Variants in TSPAN16 observed in about 807,000 individuals in gnomAD.
TSPAN16 encodes tetraspanin-16.
Under a neutral mutation model 25.2 loss-of-function variants are expected in TSPAN16, and 23 were observed. The observed-to-expected ratio is 0.91, with a 90% CI of 0.66 to 1.29. The LOEUF is 1.29. TSPAN16 is among the 50% of genes most tolerant of loss of function. The probability of loss-of-function intolerance (pLI) is 0.00; values close to 1 mark genes in which losing one functional copy is unlikely to be tolerated. For missense variants in TSPAN16, 272 were observed against 299.9 expected, an observed-to-expected ratio of 0.91 and a Z score of 0.69; for synonymous variants, 123 against 124.4, an observed-to-expected ratio of 0.99 and a Z score of 0.08.
At chr19:11,306,905 T>C (rs2080634126) in intron 5 of TSPAN16, 149 bp downstream of exon 5, 1 of 712,250 alleles carries the variant, frequency 1.4e-6, no homozygotes, top group African/African-American at 1.8e-5. Flanking sequence ...AACCTCCGCC[T>C]CCCAGGTTCA....
chr19:11,297,693 C>T (rs968899295), intron 1 of TSPAN16, among the ~76,000 whole-genome samples: 3 of 152,044 alleles, frequency 2.0e-5, no homozygotes, highest in Admixed American at 6.6e-5. Flanking sequence ...GACAGGGTTT[C>T]GCCATGTTGG....
At chr19:11,318,040 T>A (rs191852665), downstream of TSPAN16, among the ~76,000 whole-genome samples, 831 of 151,992 alleles carry the variant, frequency 5.5e-3, 13 homozygotes, top group Admixed American at 0.029. Flanking sequence ...TATTATTATT[T>A]TTTTGAGACA....
At chr19:11,324,128 A>G (rs111292801) in intron 6 of TSPAN16, 1,744 of 152,204 alleles carry the variant, frequency 0.011, 29 homozygotes, top group African/African-American at 0.04. Context: ...AAGTTACTCA[A>G]TCCTACCTCC....
chr19:11,325,407 G>T (rs1168770755), intron 6 of TSPAN16: 1 of 1,543,066 alleles, frequency 6.5e-7, no homozygotes. Flanking sequence ...TCTAGCAGCT[G>T]CAGCTGCTGG....
rs1021767171 is a variant in TSPAN16, at chr19:11,304,371, G to A, written c.451-2233G>A. 5.3e-5 allele frequency among the ~76,000 whole-genome samples: 8 copies of A among 151,170 alleles called. 1 individual carries two copies. Among genetic ancestry groups the A allele is most frequent in the Non-Finnish European group, 8.8e-5 (6 of 67,920 alleles). ...TTATTTATGTACTTAAGACAGAGTC[G>A]TACTCCCAAAACTCAGGCTGGAGTT... is the stretch of plus-strand genomic sequence containing the variant. On this transcript the variant is annotated intron_variant, in intron 4 of 6. Coordinates refer to ENST00000590327, the MANE Select transcript of TSPAN16 (RefSeq NM_001282509.2).
At chr19:11,318,084 T>G (rs965024447), downstream of TSPAN16, among the ~76,000 whole-genome samples, 11 of 152,086 alleles carry the variant, frequency 7.2e-5, no homozygotes, top group East Asian at 2.1e-3. Context: ...TGGAGTGCAG[T>G]GGCGCGATCT....
In TSPAN16 at chr19:11,298,809, G is replaced by A. The variant is rs2080508897; in HGVS notation, c.268-63G>A. The A allele has an allele frequency of 4.0e-6, 6 of 1,495,836 alleles. No homozygotes were observed. In the South Asian group the frequency reaches 5.6e-5, roughly 14 times the overall value. The allele number at this position is 1,495,836 out of a possible 1,614,324, so 92.7% of individuals were successfully genotyped here. ...GAACAGAGACAACCCCTCACCTGCA[G>A]GGTATAAGGTCGGGAGGAGGCTGAG... On this transcript the variant is annotated intron_variant, in intron 2 of 6. Coordinates refer to ENST00000590327, the MANE Select transcript of TSPAN16 (RefSeq NM_001282509.2).
At chr19:11,313,601 G>A (rs1045500514) in intron 6 of TSPAN16, among the ~76,000 whole-genome samples, 2 of 151,384 alleles carry the variant, frequency 1.3e-5, no homozygotes, top group Admixed American at 6.6e-5. Context: ...TTCAAATAGA[G>A]ATTTTTATCC....
rs139954377 is a variant in TSPAN16 at position 11,314,128 on chromosome 19, T to C, written c.688-1663T>C. Among the ~76,000 whole-genome samples the C allele has an allele frequency of 3.9e-3, 591 of 152,306 alleles. 3 individuals are homozygous for C. Among genetic ancestry groups the C allele is most frequent in the Non-Finnish European group, 4.0e-3 (273 of 68,044 alleles). Reference sequence around the variant, plus strand: ...TATATGATTCCATTATATAAAATGTTCAGAATAGGCAAGTCCATAGAAATA... The same window carrying C: ...TATATGATTCCATTATATAAAATGTCCAGAATAGGCAAGTCCATAGAAATA... On this transcript the variant is annotated intron_variant, in intron 6 of 6. Coordinates refer to ENST00000590327, the MANE Select transcript of TSPAN16 (RefSeq NM_001282509.2).
At chr19:11,298,069 A>G in intron 1 of TSPAN16, 73 bp from the exon 2 acceptor site, 1 of 1,513,856 alleles carries the variant, frequency 6.6e-7, no homozygotes, top group Non-Finnish European at 9.1e-7. Flanking sequence ...GGCATGAGCC[A>G]CCGCACTCAC....
intron 5 of TSPAN16, among the ~76,000 whole-genome samples, chr19:11,310,622 A>G (rs2080680881): frequency 2.0e-5 from 3 of 151,994 alleles, no homozygotes; most frequent in South Asian, 2.1e-4. Context: ...TCTGAGCCTC[A>G]GTTTCCTCAT....
intron 3 of TSPAN16, 82 bp downstream of exon 3, chr19:11,299,028 C>A (rs1243164193): frequency 2.1e-6 from 3 of 1,419,868 alleles, no homozygotes; most frequent in Non-Finnish European, 2.9e-6. Context: ...GCCTCTAATC[C>A]CAGCATTTTG....
At chr19:11,314,229 C>T (rs1310920236) in intron 6 of TSPAN16, among the ~76,000 whole-genome samples, 1 of 152,122 alleles carries the variant, frequency 6.6e-6, no homozygotes, top group Non-Finnish European at 1.5e-5. Context: ...TATGGCGTTT[C>T]TGTGGTTCAT....
In TSPAN16 at chr19:11,296,235, C is replaced by T. The variant is rs973877844; in HGVS notation, c.-63C>T. The T allele has an allele frequency of 1.3e-6, 2 of 1,542,588 alleles. No homozygotes were observed. The highest frequency in any genetic ancestry group is 1.1e-5 in the South Asian group (1 of 88,320). ...CTCAGATCCCTATCATCTTGGGAAA[C>T]AGTAGCCCAGAGGTTCAGGAAGATG... On this transcript the variant is annotated 5_prime_UTR_variant, in exon 1 of 7. Transcript: ENST00000590327.
chr19:11,324,235 G>T (rs2080797739), intron 6 of TSPAN16: 1 of 151,460 alleles, frequency 6.6e-6, no homozygotes. Flanking sequence ...CAGCCTGGGT[G>T]ACAGAGCCAG....
intron 6 of TSPAN16, chr19:11,325,613 C>A: frequency 6.9e-7 from 1 of 1,449,432 alleles, no homozygotes; most frequent in Non-Finnish European, 9.0e-7. Context: ...TGGGGACACT[C>A]GTAAGACCCC....
At chr19:11,308,675 G>A (rs978327919) in intron 5 of TSPAN16, among the ~76,000 whole-genome samples, 3 of 151,926 alleles carry the variant, frequency 2.0e-5, no homozygotes, top group South Asian at 4.2e-4. Flanking sequence ...GGGTTTCACC[G>A]TGTTAGCCAG....
At chr19:11,311,964 C>T (rs551252181) in intron 5 of TSPAN16, among the ~76,000 whole-genome samples, 175 bp from the exon 6 acceptor site, 1 of 151,950 alleles carries the variant, frequency 6.6e-6, no homozygotes, top group Non-Finnish European at 1.5e-5. Context: ...GCTAGGGTGG[C>T]GGGGAGCGGG....
chr19:11,317,524 C>T (rs538475792), downstream of TSPAN16, among the ~76,000 whole-genome samples: 4 of 151,614 alleles, frequency 2.6e-5, no homozygotes, highest in African/African-American at 9.7e-5. Context: ...GACGGAGTTT[C>T]GCTCTTGTTG....
Sources: gnomAD v4.1 joint callset for allele counts (sites outside exome capture counted in the v4.1 genomes callset) on GRCh38, gnomAD v4.1.1 for gene constraint, MANE v1.5 for transcripts, NCBI Gene and HGNC (gene_info 2026-07-23, HGNC 2026-07-21) for gene names.